Variants in MYBPC1 observed in about 807,000 individuals in gnomAD.
MYBPC1 encodes myosin binding protein C1.
A neutral mutation model predicts 147.1 loss-of-function variants in MYBPC1; 52 were observed. The observed-to-expected ratio is 0.35, with a 90% confidence interval of 0.28 to 0.45. MYBPC1 has a LOEUF of 0.45. Among genes scored for constraint, MYBPC1 ranks in the 20% least tolerant of loss-of-function variants. MYBPC1 has a pLI of 1.00. For synonymous variants in MYBPC1, 477 were observed against 475.9 expected, an observed-to-expected ratio of 1.00 and a Z score of -0.03; for missense variants, 1,228 against 1,440.3, an observed-to-expected ratio of 0.85 and a Z score of 2.39.
intron 3 of MYBPC1, among the ~76,000 whole-genome samples, chr12:101,623,550 G>C (rs1887913878): frequency 1.3e-5 from 2 of 152,024 alleles, no homozygotes; most frequent in African/African-American, 2.4e-5. Flanking sequence ...GTTTCATTAT[G>C]CTCTGTGCAC....
chr12:101,678,332 T>G, intron 28 of MYBPC1, 94 bp downstream of exon 28: 3 of 1,539,646 alleles, frequency 1.9e-6, no homozygotes, highest in Non-Finnish European at 2.7e-6. Context: ...CAGCTGCTAC[T>G]TGTGTCTTCC....
intron 1 of MYBPC1, among the ~76,000 whole-genome samples, chr12:101,611,410 T>C (rs1314700599): frequency 6.6e-6 from 1 of 151,560 alleles, no homozygotes; most frequent in Non-Finnish European, 1.5e-5. Context: ...AAGATGATTC[T>C]CTTTTACGTA....
At chr12:101,644,511 C>A (rs1234033054) in intron 11 of MYBPC1, among the ~76,000 whole-genome samples, 153 bp from the exon 12 acceptor site, 1 of 152,084 alleles carries the variant, frequency 6.6e-6, no homozygotes, top group South Asian at 2.1e-4. Flanking sequence ...ACACAGTGTT[C>A]GAAATATAAA....
intron 1 of MYBPC1, among the ~76,000 whole-genome samples, chr12:101,606,385 G>C (rs1260357430): frequency 6.6e-6 from 1 of 151,936 alleles, no homozygotes; most frequent in East Asian, 1.9e-4. Flanking sequence ...AAATCATTTT[G>C]ACCTGGTAAA....
At chr12:101,687,215 C>A (rs1333667595), downstream of MYBPC1, among the ~76,000 whole-genome samples, 7 of 152,012 alleles carry the variant, frequency 4.6e-5, no homozygotes, top group South Asian at 1.2e-3. Context: ...TAATGCTATC[C>A]CTCCCCGCTC....
intron 1 of MYBPC1, among the ~76,000 whole-genome samples, chr12:101,605,346 T>C (rs1282356707): frequency 1.3e-5 from 2 of 152,214 alleles, no homozygotes; most frequent in Non-Finnish European, 2.9e-5. Flanking sequence ...CCTGAGTTTG[T>C]TTTAAAAATA....
rs939778849 is a variant in MYBPC1, at chr12:101,678,341, C to T, written c.3246+103C>T. 40 of 1,506,818 alleles carry T rather than the reference C, an allele frequency of 2.7e-5. No individual in the cohort carries two copies. In the Admixed American group the frequency reaches 5.9e-4, roughly 22 times the overall value. The allele number at this position is 1,506,818 out of a possible 1,614,324, so 93.3% of individuals were successfully genotyped here. A position where few individuals can be genotyped will look rare whatever the true frequency, so the allele number is the denominator to read the frequency against. On this transcript the variant is annotated intron_variant, in intron 28 of 31. Coordinates refer to ENST00000361466, the MANE Select transcript of MYBPC1 (RefSeq NM_002465.4). ...CAAATCCAGCTGCTACTTGTGTCTT[C>T]CCAGGATGGGGGATTAGAAGGTGGT...
chr12:101,626,730 G>T, intron 3 of MYBPC1, 142 bp from the exon 4 acceptor site: 3 of 750,118 alleles, frequency 4.0e-6, no homozygotes, highest in Non-Finnish European at 4.7e-6. Context: ...TCACTTTTCA[G>T]GTACCAAGTT....
intron 1 of MYBPC1, among the ~76,000 whole-genome samples, chr12:101,607,931 A>T (rs1331416457): frequency 2.0e-5 from 3 of 152,164 alleles, no homozygotes; most frequent in Non-Finnish European, 4.4e-5. Flanking sequence ...AATGGACTCC[A>T]TTGGAGAGGG....
chr12:101,685,660 C>T lies in MYBPC1; in HGVS notation c.*98C>T. On this transcript the variant is annotated 3_prime_UTR_variant, in exon 32 of 32. Transcript: ENST00000361466. Reference sequence around the variant, plus strand: ...GATTCGTATCTGCGAGACTTACACTCAAGCAATCCTGAGGAATACTGAGGG... The same window carrying T: ...GATTCGTATCTGCGAGACTTACACTTAAGCAATCCTGAGGAATACTGAGGG... The T allele has an allele frequency of 6.5e-7, 1 of 1,529,566 alleles. No individual in the cohort carries two copies. Among genetic ancestry groups the T allele is most frequent in the Non-Finnish European group, 8.8e-7 (1 of 1,141,188 alleles). The allele number at this position is 1,529,566 out of a possible 1,614,324, so 94.7% of individuals were successfully genotyped here. A position where few individuals can be genotyped will look rare whatever the true frequency, so the allele number is the denominator to read the frequency against.
In MYBPC1 at chr12:101,678,199, C is replaced by T; in HGVS notation, c.3207C>T (p.Tyr1069=). ...PLVNTYAIAG[Y]NATLNCSVRG... ...TTAACACCTATGCCATAGCTGGTTACAATGCCACCCTAAACTGCAGTGTGA... is the reference window on the plus strand; with the variant it reads ...TTAACACCTATGCCATAGCTGGTTATAATGCCACCCTAAACTGCAGTGTGA... Residue 1069 remains tyrosine (Y), a synonymous_variant, in exon 28 of 32, where the codon TAC becomes TAT. Coordinates refer to ENST00000361466, the MANE Select transcript of MYBPC1 (RefSeq NM_002465.4). The T allele has an allele frequency of 6.2e-7, 1 of 1,614,156 alleles. No homozygotes were observed. Among genetic ancestry groups the T allele is most frequent in the Non-Finnish European group, 8.5e-7 (1 of 1,179,984 alleles).
chr12:101,631,776 T>A, intron 7 of MYBPC1, 57 bp downstream of exon 7: 1 of 1,609,544 alleles, frequency 6.2e-7, no homozygotes, highest in South Asian at 1.1e-5. Context: ...TCTATGTGAA[T>A]AAATGATTAT....
chr12:101,655,128 C>A (rs533724176), intron 18 of MYBPC1, among the ~76,000 whole-genome samples: 4 of 151,798 alleles, frequency 2.6e-5, no homozygotes, highest in African/African-American at 4.8e-5. Context: ...GAATAGCAGT[C>A]GAGCATATGA....
chr12:101,629,501 C>T lies in MYBPC1; in HGVS notation c.246C>T (p.Ser82=). The T allele has an allele frequency of 6.2e-7, 1 of 1,613,982 alleles. No individual in the cohort carries two copies. The highest frequency in any genetic ancestry group is 8.5e-7 in the Non-Finnish European group (1 of 1,179,934). ...QAKQNANSQL[S]ILFIEKPQGG... is the part of the protein sequence containing the mutation. ...AGCAGAATGCCAACTCCCAGCTGTC[C>T]ATCTTGTTCATTGAAAAACCTCAAG... Residue 82 remains serine (S), a synonymous_variant, in exon 6 of 32, where the codon TCC becomes TCT. Coordinates refer to ENST00000361466, the MANE Select transcript of MYBPC1 (RefSeq NM_002465.4).
At position 101,653,212 on chromosome 12, in the gene MYBPC1, A is replaced by G. The variant is rs201271518; in HGVS notation, c.1731A>G (p.Glu577=). The G allele has an allele frequency of 1.2e-6, 2 of 1,614,162 alleles. No individual in the cohort carries two copies. Among genetic ancestry groups the G allele is most frequent in the East Asian group, 2.2e-5 (1 of 44,886 alleles). ...GTCTTGAGATCCCCATCAGCGGAGA[A>G]CCACCTCCTAAAGCCATGTGGAGCC... ...KLRLEIPISG[E]PPPKAMWSRG... The change falls in exon 18 of 32, where the codon GAA becomes GAG. Residue 577 remains glutamate (E), a synonymous_variant. Transcript: ENST00000361466.
intron 1 of MYBPC1, among the ~76,000 whole-genome samples, chr12:101,604,173 T>C (rs1193247081): frequency 1.3e-5 from 2 of 152,154 alleles, no homozygotes; most frequent in Non-Finnish European, 2.9e-5. Flanking sequence ...CCCAGCCCCA[T>C]GTTAACAATG....
chr12:101,658,026 G>C (rs1342892790), intron 18 of MYBPC1, among the ~76,000 whole-genome samples: 1 of 151,946 alleles, frequency 6.6e-6, no homozygotes, highest in African/African-American at 2.4e-5. Flanking sequence ...AGCTAGTCGG[G>C]AGGCTGAGGC....
At chr12:101,627,954 A>G in intron 5 of MYBPC1, 150 bp downstream of exon 5, 1 of 916,972 alleles carries the variant, frequency 1.1e-6, no homozygotes, top group Non-Finnish European at 1.7e-6. Context: ...CTTACAAGAA[A>G]ACTAATGTAT....
chr12:101,684,467 C>T lies in MYBPC1; in HGVS notation c.*19+43C>T, dbSNP rs1951229736. ...TTTGGCATATGAAGCTTATGACTGT[C>T]ATAAGCCATACCAAGCCTGTGGAGT... On this transcript the variant is annotated intron_variant, in intron 31 of 31. Transcript: ENST00000361466. 2.1e-6 allele frequency: 3 copies of T among 1,439,774 alleles called. No homozygotes were observed. The Admixed American group carries it at 5.0e-5, about 24-fold the overall frequency. The allele number at this position is 1,439,774 out of a possible 1,614,324, so 89.2% of individuals were successfully genotyped here. A position where few individuals can be genotyped will look rare whatever the true frequency, so the allele number is the denominator to read the frequency against.
Sources: gnomAD v4.1 joint callset for allele counts (sites outside exome capture counted in the v4.1 genomes callset) on GRCh38, gnomAD v4.1.1 for gene constraint, MANE v1.5 for transcripts, NCBI Gene and HGNC (gene_info 2026-07-23, HGNC 2026-07-21) for gene names.